Variants in ITGB3BP observed in about 807,000 individuals in gnomAD.
ITGB3BP encodes centromere protein R.
ITGB3BP carries 27 observed loss-of-function variants against 29.1 expected under a neutral mutation model. That is an observed-to-expected ratio of 0.93 (90% CI 0.68 to 1.28). The LOEUF (loss-of-function observed/expected upper bound fraction) is 1.28, where lower values mean the gene tolerates loss of function less well. ITGB3BP is among the 50% of genes most tolerant of loss of function. The pLI is 0.00. For synonymous variants in ITGB3BP, 61 were observed against 61.4 expected (o/e 0.99, Z 0.03); for missense variants, 192 against 200.2 (o/e 0.96, Z 0.25).
intron 4 of ITGB3BP, among the ~76,000 whole-genome samples, chr1:63,470,145 G>A (rs1645171078): frequency 6.6e-6 from 1 of 152,214 alleles, no homozygotes; most frequent in East Asian, 1.9e-4. Context: ...CTGGATTGCT[G>A]TTAATAAATA....
chr1:63,452,420 A>G (rs1010734323), intron 7 of ITGB3BP, among the ~76,000 whole-genome samples: 65 of 152,240 alleles, frequency 4.3e-4, no homozygotes, highest in African/African-American at 1.5e-3. Context: ...TTGCTTTCCT[A>G]TTGTGATCCT....
At chr1:63,477,092 C>T (rs942048687) in intron 4 of ITGB3BP, among the ~76,000 whole-genome samples, 16 of 151,994 alleles carry the variant, frequency 1.1e-4, no homozygotes, top group Non-Finnish European at 2.4e-4. Flanking sequence ...AGCAGCATGT[C>T]GAGGGAAAAC....
chr1:63,471,212 C>A lies in ITGB3BP; in HGVS notation c.254+7552G>T, dbSNP rs201842466. ...AAGCTGTTTAATTTATCCATTTTTT[C>A]CCCTTTTATTGTTGGCATTTTGCCT... On this transcript the variant is annotated intron_variant, in intron 4 of 8. Transcript: ENST00000271002. 6.1e-3 allele frequency among the ~76,000 whole-genome samples: 16 copies of A among 2,634 alleles called. 1 individual carries two copies. In the South Asian group the frequency reaches 0.53, roughly 88 times the overall value. The allele number at this position is 2,634 out of a possible 152,430, so 1.7% of individuals were successfully genotyped here. A position where few individuals can be genotyped will look rare whatever the true frequency, so the allele number is the denominator to read the frequency against.
chr1:63,480,485 T>C (rs1265569827), intron 3 of ITGB3BP, among the ~76,000 whole-genome samples: 1 of 152,124 alleles, frequency 6.6e-6, no homozygotes, highest in African/African-American at 2.4e-5. Flanking sequence ...TTGATGTTTA[T>C]GAATGAACAA....
In ITGB3BP at chr1:63,493,088, A is replaced by ACACGCGCG. The variant is rs372348238; in HGVS notation, c.49-2871_49-2870insCGCGCGTG. On this transcript the variant is annotated intron_variant, in intron 2 of 8. Transcript: ENST00000271002. ...GATCACACCACACACACACACACACACGCGCGCGCGCGCAAGAAAATAGAT... is the reference window on the plus strand; with the variant it reads ...GATCACACCACACACACACACACACACACGCGCGCGCGCGCGCGCGCAAGAAAATAGAT... Among the ~76,000 whole-genome samples the ACACGCGCG allele has an allele frequency of 3.8e-3, 570 of 148,822 alleles. 4 individuals are homozygous for ACACGCGCG. The highest frequency in any genetic ancestry group is 0.014 in the African/African-American group (533 of 39,412).
At chr1:63,464,434 T>G (rs184680388) in intron 4 of ITGB3BP, among the ~76,000 whole-genome samples, 1 of 152,240 alleles carries the variant, frequency 6.6e-6, no homozygotes, top group East Asian at 1.9e-4. Flanking sequence ...GATTTAGATT[T>G]GAGATGGGAT....
intron 1 of ITGB3BP, among the ~76,000 whole-genome samples, chr1:63,520,670 G>A (rs865853799): frequency 1.3e-5 from 2 of 152,136 alleles, no homozygotes; most frequent in South Asian, 4.1e-4. Context: ...AGCTGTGCAA[G>A]TTATAAAACA....
chr1:63,503,080 G>A (rs1301361842), intron 2 of ITGB3BP, among the ~76,000 whole-genome samples: 2 of 152,126 alleles, frequency 1.3e-5, no homozygotes, highest in Admixed American at 6.5e-5. Flanking sequence ...GATCCCTGAG[G>A]AATCGCCACA....
At chr1:63,505,854 T>C (rs2100761156) in intron 2 of ITGB3BP, among the ~76,000 whole-genome samples, 1 of 152,338 alleles carries the variant, frequency 6.6e-6, no homozygotes, top group Non-Finnish European at 1.5e-5. Context: ...TGAGTTCTAG[T>C]TTGATTGCAC....
chr1:63,510,129 GC>G, intron 1 of ITGB3BP: 1 of 633,770 alleles, frequency 1.6e-6, no homozygotes, highest in Non-Finnish European at 2.9e-6. Flanking sequence ...AGCAGATGTT[GC>G]AGTGAACGGA....
intron 1 of ITGB3BP, among the ~76,000 whole-genome samples, chr1:63,519,844 T>C (rs902872411): frequency 1.3e-5 from 2 of 152,066 alleles, no homozygotes; most frequent in Non-Finnish European, 2.9e-5. Flanking sequence ...GGAAAAAATA[T>C]AGCACATTTT....
At chr1:63,492,451 C>T (rs1220998399) in intron 2 of ITGB3BP, among the ~76,000 whole-genome samples, 1 of 152,138 alleles carries the variant, frequency 6.6e-6, no homozygotes, top group Non-Finnish European at 1.5e-5. Flanking sequence ...CCTAAGTTTT[C>T]TTTCCCTCAA....
chr1:63,521,781 C>CA (rs1217238293), intron 1 of ITGB3BP, among the ~76,000 whole-genome samples: 3 of 151,564 alleles, frequency 2.0e-5, no homozygotes, highest in Admixed American at 6.6e-5. Flanking sequence ...GACTCTGCCT[C>CA]AAAAAAAGAA....
chr1:63,523,660 C>T (rs781256247), upstream of ITGB3BP: 21 of 178,540 alleles, frequency 1.2e-4, no homozygotes, highest in East Asian at 7.4e-4. Flanking sequence ...CTGTCTCTGT[C>T]TCTTCGCTCC....
In ITGB3BP at chr1:63,508,549, C is replaced by T; in HGVS notation, c.27G>A (p.Leu9=). 1.4e-6 allele frequency: 2 copies of T among 1,425,836 alleles called. No individual in the cohort carries two copies. Among genetic ancestry groups the T allele is most frequent in the South Asian group, 1.4e-5 (1 of 72,928 alleles). The allele number at this position is 1,425,836 out of a possible 1,614,324, so 88.3% of individuals were successfully genotyped here. A position where few individuals can be genotyped will look rare whatever the true frequency, so the allele number is the denominator to read the frequency against. The change falls in exon 2 of 9, where the codon TTG becomes TTA. Residue 9 remains leucine, a synonymous_variant. Transcript: ENST00000271002. MPVKRSLK[L]DGLLEENSFD... is the part of the protein sequence containing the mutation. ...TTACATTTTCTTCTAACAGACCATCCAACTTCAGTGATCTTTTAACACTAC... is the reference window on the plus strand; with the variant it reads ...TTACATTTTCTTCTAACAGACCATCTAACTTCAGTGATCTTTTAACACTAC...
upstream of ITGB3BP, among the ~76,000 whole-genome samples, chr1:63,524,703 T>A (rs1646550585): frequency 6.6e-6 from 1 of 152,216 alleles, no homozygotes; most frequent in Non-Finnish European, 1.5e-5. Flanking sequence ...CAGTACTATA[T>A]CCACATTAAC....
intron 4 of ITGB3BP, among the ~76,000 whole-genome samples, chr1:63,478,248 T>C (rs1235500586): frequency 1.3e-5 from 2 of 152,228 alleles, no homozygotes; most frequent in East Asian, 3.8e-4. Context: ...TGGAGAGCCA[T>C]CTGTATTCTT....
chr1:63,495,638 T>C (rs1645767390), intron 2 of ITGB3BP, among the ~76,000 whole-genome samples: 1 of 145,846 alleles, frequency 6.9e-6, no homozygotes, highest in Non-Finnish European at 1.5e-5. Flanking sequence ...CAGGCCAGGA[T>C]CCATGGCAAT....
chr1:63,453,772 T>G (rs760790473), intron 7 of ITGB3BP, 146 bp downstream of exon 7: 1 of 580,756 alleles, frequency 1.7e-6, no homozygotes. Flanking sequence ...CAAATGAGAT[T>G]TGTGATCTTC....
Sources: gnomAD v4.1 joint callset for allele counts (sites outside exome capture counted in the v4.1 genomes callset) on GRCh38, gnomAD v4.1.1 for gene constraint, MANE v1.5 for transcripts, NCBI Gene and HGNC (gene_info 2026-07-23, HGNC 2026-07-21) for gene names.